The following SHISA9 variants were observed in gnomAD, a reference collection of about 807,000 sequenced individuals.
The protein encoded by SHISA9 is protein shisa-9.
Under a neutral mutation model 38.0 loss-of-function variants are expected in SHISA9, and 13 were observed. The ratio of observed to expected loss-of-function variants is 0.34; its 90% CI spans 0.22 to 0.54. SHISA9 has a LOEUF of 0.54. Ranked by LOEUF, SHISA9 falls within the 20% of genes least tolerant of loss-of-function variation. The pLI is 0.91. For synonymous variants in SHISA9, 275 were observed against 242.0 expected, an observed-to-expected ratio of 1.14 and a Z score of -1.27; for missense variants, 538 against 575.8, an observed-to-expected ratio of 0.93 and a Z score of 0.67.
chr16:13,551,103 G>A, the SHISA9 span, among the ~76,000 whole-genome samples: 5 of 148,708 alleles, frequency 3.4e-5, no homozygotes, highest in African/African-American at 7.5e-5. Flanking sequence ...CAGCCTGGGC[G>A]ACAGTGAGAG....
At chr16:13,072,176 C>CA (rs1384934541) in intron 2 of SHISA9, among the ~76,000 whole-genome samples, 2 of 152,246 alleles carry the variant, frequency 1.3e-5, no homozygotes, top group African/African-American at 4.8e-5. Context: ...CCAGTGTCCT[C>CA]AAAGTGTCAA....
intron 1 of SHISA9, among the ~76,000 whole-genome samples, chr16:12,915,425 A>G (rs1177999795): frequency 6.6e-6 from 1 of 152,198 alleles, no homozygotes; most frequent in Non-Finnish European, 1.5e-5. Flanking sequence ...AGCCTGGGTG[A>G]CAGAGCAAGA....
At chr16:13,176,159 C>T (rs1231379378) in intron 2 of SHISA9, among the ~76,000 whole-genome samples, 1 of 151,890 alleles carries the variant, frequency 6.6e-6, no homozygotes, top group African/African-American at 2.4e-5. Flanking sequence ...ATTACAATTT[C>T]TTTACTCAGT....
chr16:13,397,427 TGTTTGTTA>T, the SHISA9 span, among the ~76,000 whole-genome samples: 8 of 152,018 alleles, frequency 5.3e-5, no homozygotes, highest in South Asian at 2.1e-4. Context: ...TTTGTTTGTT[TGTTTGTTA>T]GTTTGTTTTT....
chr16:13,054,929 T>G (rs1011870374), intron 2 of SHISA9, among the ~76,000 whole-genome samples: 1 of 152,218 alleles, frequency 6.6e-6, no homozygotes, highest in Non-Finnish European at 1.5e-5. Context: ...TAGTTTGCTT[T>G]TACTTGTCCT....
the SHISA9 span, among the ~76,000 whole-genome samples, chr16:13,562,402 G>C: frequency 6.6e-6 from 1 of 152,162 alleles, no homozygotes; most frequent in Admixed American, 6.5e-5. Flanking sequence ...GGCTGAGGCA[G>C]GCAGATCACC....
At chr16:13,546,719 T>G in the SHISA9 span, among the ~76,000 whole-genome samples, 1 of 152,334 alleles carries the variant, frequency 6.6e-6, no homozygotes, top group African/African-American at 2.4e-5. Context: ...TTCCTGTTTT[T>G]GTAAAGACAG....
At chr16:13,123,294 T>G (rs968376190) in intron 2 of SHISA9, among the ~76,000 whole-genome samples, 7 of 152,232 alleles carry the variant, frequency 4.6e-5, no homozygotes, top group African/African-American at 1.4e-4. Flanking sequence ...GAGACTTTGT[T>G]ATTCAACAAG....
chr16:13,478,692 A>G, the SHISA9 span, among the ~76,000 whole-genome samples: 3 of 152,232 alleles, frequency 2.0e-5, no homozygotes, highest in Non-Finnish European at 2.9e-5. Context: ...AAAACAACAG[A>G]TCTTTCTGGA....
chr16:13,411,690 C>A, the SHISA9 span, among the ~76,000 whole-genome samples: 4 of 152,192 alleles, frequency 2.6e-5, no homozygotes, highest in Admixed American at 6.5e-5. Flanking sequence ...TAAGGAGAAT[C>A]AGGATATAGC....
At chr16:13,278,061 A>C in the SHISA9 span, among the ~76,000 whole-genome samples, 1 of 152,004 alleles carries the variant, frequency 6.6e-6, no homozygotes, top group East Asian at 1.9e-4. Context: ...TTTGTCATAG[A>C]TGGCTTTTAT....
chr16:13,494,910 A>G, the SHISA9 span, among the ~76,000 whole-genome samples: 1 of 152,198 alleles, frequency 6.6e-6, no homozygotes, highest in Non-Finnish European at 1.5e-5. Context: ...CTGTCTATAC[A>G]TTGATACATG....
intron 2 of SHISA9, among the ~76,000 whole-genome samples, chr16:13,187,328 C>CTTTTT (rs372286181): frequency 8.9e-3 from 805 of 90,498 alleles, no homozygotes; most frequent in Non-Finnish European, 0.014. Context: ...CTTTTCTTTT[C>CTTTTT]TTTTTTTTTT....
the SHISA9 span, among the ~76,000 whole-genome samples, chr16:13,533,517 A>G: frequency 6.6e-6 from 1 of 152,110 alleles, no homozygotes; most frequent in East Asian, 1.9e-4. Flanking sequence ...CAATCTTAGA[A>G]AATTGATGAC....
At chr16:12,953,089 G>A (rs1008948039) in intron 2 of SHISA9, among the ~76,000 whole-genome samples, 1 of 151,982 alleles carries the variant, frequency 6.6e-6, no homozygotes, top group African/African-American at 2.4e-5. Flanking sequence ...GGAATAGAAG[G>A]TGATGTGTGT....
chr16:13,189,859 A>G (rs1271084590), intron 2 of SHISA9, among the ~76,000 whole-genome samples: 2 of 152,184 alleles, frequency 1.3e-5, no homozygotes, highest in East Asian at 1.9e-4. Context: ...GCCTCTCACT[A>G]TGTGGCTGGT....
At chr16:13,013,649 T>C (rs1175567798) in intron 2 of SHISA9, among the ~76,000 whole-genome samples, 2 of 152,182 alleles carry the variant, frequency 1.3e-5, no homozygotes, top group Non-Finnish European at 2.9e-5. Context: ...GGCATCACTG[T>C]CACATCCCTT....
At chr16:13,279,335 C>T in the SHISA9 span, among the ~76,000 whole-genome samples, 174 of 151,956 alleles carry the variant, frequency 1.1e-3, 6 homozygotes, top group South Asian at 0.034. Context: ...GGAAAAATTT[C>T]CATGTGCTGT....
chr16:13,154,236 G>T (rs2050523566), intron 2 of SHISA9, among the ~76,000 whole-genome samples: 1 of 152,196 alleles, frequency 6.6e-6, no homozygotes, highest in South Asian at 2.1e-4. Flanking sequence ...CAGTTATGTA[G>T]CTGTTGTGGT....
Sources: gnomAD v4.1 joint callset for allele counts (sites outside exome capture counted in the v4.1 genomes callset) on GRCh38, gnomAD v4.1.1 for gene constraint, MANE v1.5 for transcripts, NCBI Gene and HGNC (gene_info 2026-07-23, HGNC 2026-07-21) for gene names.